CNTNAP2: variants seen among roughly 807,000 people sequenced by gnomAD.
CNTNAP2 encodes contactin associated protein 2, also known as contactin-associated protein-like 2.
A neutral mutation model predicts 155.2 loss-of-function variants in CNTNAP2; 98 were observed. The ratio of observed to expected loss-of-function variants is 0.63; its 90% CI spans 0.54 to 0.75. CNTNAP2 has a LOEUF of 0.75. Ranked by LOEUF, CNTNAP2 falls within the 30% of genes least tolerant of loss-of-function variation. CNTNAP2 has a pLI of 0.00. For synonymous variants in CNTNAP2, 651 were observed against 631.2 expected, an observed-to-expected ratio of 1.03 and a Z score of -0.47; for missense variants, 1,727 against 1,688.1, an observed-to-expected ratio of 1.02 and a Z score of -0.40.
chr7:147,831,260 C>T (rs1012479043), intron 13 of CNTNAP2, among the ~76,000 whole-genome samples: 6 of 152,226 alleles, frequency 3.9e-5, no homozygotes, highest in African/African-American at 1.4e-4. Context: ...AAGGAAAAAC[C>T]ATATTTTAAT....
At chr7:147,736,400 CT>C (rs1221426985) in intron 13 of CNTNAP2, among the ~76,000 whole-genome samples, 1 of 152,204 alleles carries the variant, frequency 6.6e-6, no homozygotes, top group Non-Finnish European at 1.5e-5. Flanking sequence ...AGCTGTTAGT[CT>C]GATGGGCTTC....
At chr7:146,931,295 C>A (rs1255536461) in intron 3 of CNTNAP2, among the ~76,000 whole-genome samples, 1 of 152,052 alleles carries the variant, frequency 6.6e-6, no homozygotes, top group Non-Finnish European at 1.5e-5. Flanking sequence ...CTCAAAACCG[C>A]TCAACTACAT....
At chr7:147,531,688 T>C (rs935472404) in intron 11 of CNTNAP2, among the ~76,000 whole-genome samples, 2 of 152,036 alleles carry the variant, frequency 1.3e-5, no homozygotes, top group African/African-American at 4.8e-5. Flanking sequence ...GTGAAGGTCT[T>C]TGACATGACC....
At chr7:147,958,356 G>A (rs560619417) in intron 14 of CNTNAP2, among the ~76,000 whole-genome samples, 2 of 152,058 alleles carry the variant, frequency 1.3e-5, no homozygotes, top group Non-Finnish European at 2.9e-5. Flanking sequence ...GGTTTTATTT[G>A]TATGTTTATT....
At chr7:147,227,772 T>C (rs1803582657) in intron 8 of CNTNAP2, among the ~76,000 whole-genome samples, 1 of 152,156 alleles carries the variant, frequency 6.6e-6, no homozygotes, top group Non-Finnish European at 1.5e-5. Flanking sequence ...CCAGGGAAGA[T>C]GTGGAATAGG....
chr7:146,679,350 T>TTTC (rs1800460785), intron 1 of CNTNAP2, among the ~76,000 whole-genome samples: 1 of 142,254 alleles, frequency 7.0e-6, no homozygotes, highest in African/African-American at 2.6e-5. Flanking sequence ...CTTGTTTCTT[T>TTTC]TTTTTTTTTT....
intron 3 of CNTNAP2, among the ~76,000 whole-genome samples, chr7:146,974,082 C>G (rs938960288): frequency 5.3e-5 from 8 of 152,130 alleles, no homozygotes; most frequent in Non-Finnish European, 8.8e-5. Flanking sequence ...GGACTGATAC[C>G]CAGAATAATC....
intron 3 of CNTNAP2, among the ~76,000 whole-genome samples, chr7:146,926,305 T>A (rs1040027723): frequency 6.6e-6 from 1 of 151,852 alleles, no homozygotes; most frequent in African/African-American, 2.4e-5. Flanking sequence ...TTAACTTTCT[T>A]GAAAAGGATA....
At chr7:146,432,606 G>A (rs186085510) in intron 1 of CNTNAP2, among the ~76,000 whole-genome samples, 37 of 152,226 alleles carry the variant, frequency 2.4e-4, no homozygotes, top group Non-Finnish European at 3.8e-4. Flanking sequence ...GGTAGAAAAT[G>A]AGGGTTCTAA....
At chr7:147,293,839 A>C (rs1187610294) in intron 8 of CNTNAP2, among the ~76,000 whole-genome samples, 1 of 152,210 alleles carries the variant, frequency 6.6e-6, no homozygotes, top group Admixed American at 6.5e-5. Flanking sequence ...TGCATACAAA[A>C]CAAGTGTTTC....
At chr7:146,561,377 G>A (rs905287395) in intron 1 of CNTNAP2, among the ~76,000 whole-genome samples, 2 of 152,082 alleles carry the variant, frequency 1.3e-5, no homozygotes, top group African/African-American at 4.8e-5. Flanking sequence ...CAATAAGGTC[G>A]GGTACAGTGG....
intron 1 of CNTNAP2, among the ~76,000 whole-genome samples, chr7:146,728,831 C>T (rs1011623381): frequency 6.6e-6 from 1 of 152,088 alleles, no homozygotes; most frequent in South Asian, 2.1e-4. Flanking sequence ...AGGTCAGAAC[C>T]AGGCAGGGTG....
chr7:147,249,960 A>G (rs1308277983), intron 8 of CNTNAP2, among the ~76,000 whole-genome samples: 1 of 152,170 alleles, frequency 6.6e-6, no homozygotes, highest in East Asian at 1.9e-4. Flanking sequence ...AGATTAAAAG[A>G]CAGCTCAGTC....
intron 13 of CNTNAP2, among the ~76,000 whole-genome samples, chr7:147,745,878 T>A (rs1296361809): frequency 6.6e-6 from 1 of 152,222 alleles, no homozygotes; most frequent in East Asian, 1.9e-4. Flanking sequence ...ATAATCACTT[T>A]TATAGTTTCC....
At chr7:146,420,694 G>A (rs1008359342) in intron 1 of CNTNAP2, among the ~76,000 whole-genome samples, 1 of 152,036 alleles carries the variant, frequency 6.6e-6, no homozygotes, top group African/African-American at 2.4e-5. Flanking sequence ...ATAGAGAGAT[G>A]CTAAAGCTGT....
At chr7:146,344,773 G>A (rs935462902) in intron 1 of CNTNAP2, among the ~76,000 whole-genome samples, 2 of 152,130 alleles carry the variant, frequency 1.3e-5, no homozygotes, top group African/African-American at 4.8e-5. Context: ...CACTGCTCCC[G>A]GCCAACTAGC....
intron 2 of CNTNAP2, among the ~76,000 whole-genome samples, chr7:146,823,746 T>C (rs1803344175): frequency 6.7e-6 from 1 of 149,502 alleles, no homozygotes; most frequent in Non-Finnish European, 1.5e-5. Flanking sequence ...GTATTATATC[T>C]TCTAATTAGG....
chr7:147,958,645 A>G (rs1585048730), intron 14 of CNTNAP2, among the ~76,000 whole-genome samples: 1 of 152,346 alleles, frequency 6.6e-6, no homozygotes, highest in East Asian at 1.9e-4. Context: ...TTACAGATTT[A>G]AAGTATAGAT....
At chr7:146,456,932 A>C (rs1004947610) in intron 1 of CNTNAP2, among the ~76,000 whole-genome samples, 1 of 152,214 alleles carries the variant, frequency 6.6e-6, no homozygotes, top group Admixed American at 6.5e-5. Flanking sequence ...TCTAATCCAC[A>C]AAGTATAAAT....
Sources: allele counts gnomAD v4.1 joint callset (sites outside exome capture counted in the v4.1 genomes callset), GRCh38; gene constraint gnomAD v4.1.1; transcripts MANE v1.5; gene names NCBI Gene and HGNC (gene_info 2026-07-23, HGNC 2026-07-21).